WDR64: variants seen among roughly 807,000 people sequenced by gnomAD.
The protein encoded by WDR64 is WD repeat domain 64, also known as WD repeat-containing protein 64.
WDR64 carries 112 observed loss-of-function variants against 139.3 expected under a neutral mutation model. The ratio of observed to expected loss-of-function variants is 0.80; its 90% CI spans 0.69 to 0.94. The LOEUF is 0.94. Ranked by LOEUF, WDR64 falls within the 40% of genes least tolerant of loss-of-function variation. WDR64 has a pLI of 0.00. For synonymous variants in WDR64, 444 were observed against 437.7 expected (o/e 1.01, Z -0.18); for missense variants, 1,206 against 1,293.1 (o/e 0.93, Z 1.03).
chr1:241,790,914 T>C (rs1659196578), intron 25 of WDR64, among the ~76,000 whole-genome samples: 1 of 152,152 alleles, frequency 6.6e-6, no homozygotes, highest in Non-Finnish European at 1.5e-5. Context: ...AGGTGTCACC[T>C]GAGCTGAGTT....
chr1:241,690,289 G>A (rs1427598506), intron 8 of WDR64, among the ~76,000 whole-genome samples: 1 of 152,034 alleles, frequency 6.6e-6, no homozygotes, highest in African/African-American at 2.4e-5. Context: ...TGACCAACAT[G>A]GTAAAACCCC....
intron 8 of WDR64, among the ~76,000 whole-genome samples, chr1:241,702,773 G>A (rs897822265): frequency 4.6e-5 from 7 of 152,154 alleles, no homozygotes; most frequent in Non-Finnish European, 1.0e-4. Flanking sequence ...AAATTGATAT[G>A]AAATTTAAAT....
intron 4 of WDR64, chr1:241,677,500 T>C (rs1666601735): frequency 7.5e-6 from 3 of 398,498 alleles, no homozygotes; most frequent in Non-Finnish European, 1.3e-5. Flanking sequence ...CTCAAGGCCA[T>C]CTGAGCATGT....
Position 241,660,524 on chromosome 1 carries a change from A to C in WDR64, c.146-6A>C. Reference sequence around the variant, plus strand: ...ATGAAAATGGACTGTACTTTTTTCAATGCAGATGCAATTGGTTATGACAAG... The same window carrying C: ...ATGAAAATGGACTGTACTTTTTTCACTGCAGATGCAATTGGTTATGACAAG... On this transcript the variant is annotated splice_polypyrimidine_tract_variant and splice_region_variant and intron_variant, in intron 1 of 27. Coordinates refer to ENST00000437684, the MANE Select transcript of WDR64 (RefSeq NM_001367482.1). 6.4e-7 allele frequency: 1 copy of C among 1,550,474 alleles called. No homozygotes were observed. The highest frequency in any genetic ancestry group is 1.2e-5 in the South Asian group (1 of 83,842).
At chr1:241,746,904 T>C (rs557086407) in intron 13 of WDR64, among the ~76,000 whole-genome samples, 1 of 152,030 alleles carries the variant, frequency 6.6e-6, no homozygotes, top group Non-Finnish European at 1.5e-5. Flanking sequence ...GGACTACAGA[T>C]GCCTGCCACC....
At chr1:241,675,037 T>TC (rs1666442377) in intron 4 of WDR64, among the ~76,000 whole-genome samples, 1 of 21,214 alleles carries the variant, frequency 4.7e-5, no homozygotes, top group Non-Finnish European at 1.2e-4. Flanking sequence ...CCCTCCCTCC[T>TC]TCTTCTTTCC....
intron 4 of WDR64, among the ~76,000 whole-genome samples, 177 bp from the exon 5 acceptor site, chr1:241,678,008 CAG>C (rs1418862009): frequency 6.6e-6 from 1 of 152,196 alleles, no homozygotes; most frequent in East Asian, 1.9e-4. Flanking sequence ...TCACAGCAAA[CAG>C]TGTGCATTAT....
At chr1:241,711,592 T>C (rs564050243) in intron 8 of WDR64, among the ~76,000 whole-genome samples, 8 of 152,220 alleles carry the variant, frequency 5.3e-5, no homozygotes, top group African/African-American at 1.9e-4. Context: ...ACAGGAACAA[T>C]ACAAAGTACT....
At chr1:241,691,169 C>T (rs1667262491) in intron 8 of WDR64, among the ~76,000 whole-genome samples, 1 of 151,632 alleles carries the variant, frequency 6.6e-6, no homozygotes, top group South Asian at 2.1e-4. Flanking sequence ...AACTTATATT[C>T]TAAGAAAATA....
At chr1:241,791,681 A>G (rs904484734) in intron 25 of WDR64, among the ~76,000 whole-genome samples, 3 of 152,148 alleles carry the variant, frequency 2.0e-5, no homozygotes, top group African/African-American at 7.2e-5. Context: ...GGGGGAAAAA[A>G]AAAAAGAAAA....
intron 10 of WDR64, among the ~76,000 whole-genome samples, chr1:241,724,885 C>T (rs1668741212): frequency 6.6e-6 from 1 of 151,998 alleles, no homozygotes; most frequent in Admixed American, 6.6e-5. Context: ...AGTAATTCTC[C>T]CCATTTTACA....
chr1:241,766,464 A>T, intron 16 of WDR64, 113 bp downstream of exon 16: 1 of 1,217,076 alleles, frequency 8.2e-7, no homozygotes, highest in South Asian at 1.7e-5. Context: ...TAAACCCAGA[A>T]CTTTGGGAGG....
At position 241,683,864 on chromosome 1, in the gene WDR64, T is replaced by TACACACACACACACACAC. The variant is rs11473073; in HGVS notation, c.839+179_839+196dup. Among the ~76,000 whole-genome samples the TACACACACACACACACAC allele has an allele frequency of 9.6e-5, 14 of 145,562 alleles. No individual in the cohort carries two copies. In the East Asian group the frequency reaches 1.6e-3, roughly 17 times the overall value. On this transcript the variant is annotated intron_variant, in intron 7 of 27. Transcript: ENST00000437684. ...ATTAATTATAGTCATTGTTCATGTA[T>TACACACACACACACACAC]ACACACACACACACACACACACACA...
chr1:241,674,992 T>TCCTTCCTGC (rs1666433903), intron 4 of WDR64, among the ~76,000 whole-genome samples: 1 of 41,694 alleles, frequency 2.4e-5, no homozygotes, highest in Non-Finnish European at 6.4e-5. Flanking sequence ...TTCCTCCCTT[T>TCCTTCCTGC]CTCCCTCCCT....
rs942323925 is a variant in WDR64 at position 241,801,587 on chromosome 1, T to C, written c.*372T>C. On this transcript the variant is annotated 3_prime_UTR_variant, in exon 28 of 28. Coordinates refer to ENST00000437684, the MANE Select transcript of WDR64 (RefSeq NM_001367482.1). ...AGAATGACTGTCAGAACATGTGCAG[T>C]AAAAGGCACTTTCAAGTCATGCTAT... 1.5e-5 allele frequency: 6 copies of C among 402,060 alleles called. No homozygotes were observed. The highest frequency in any genetic ancestry group is 2.6e-5 in the Non-Finnish European group (6 of 228,094). The allele number at this position is 402,060 out of a possible 1,614,324, so 24.9% of individuals were successfully genotyped here.
intron 21 of WDR64, among the ~76,000 whole-genome samples, chr1:241,775,586 AT>A (rs1215583318): frequency 1.3e-5 from 2 of 151,812 alleles, no homozygotes; most frequent in African/African-American, 4.8e-5. Context: ...GAGAAAAAAA[AT>A]GAATGATTTT....
chr1:241,689,633 C>T (rs996386473), intron 8 of WDR64, among the ~76,000 whole-genome samples: 2 of 152,122 alleles, frequency 1.3e-5, no homozygotes, highest in Non-Finnish European at 2.9e-5. Flanking sequence ...GCATCAGAAT[C>T]AGATGCAGAC....
At chr1:241,744,842 C>T (rs903770657) in intron 13 of WDR64, among the ~76,000 whole-genome samples, 2 of 152,204 alleles carry the variant, frequency 1.3e-5, no homozygotes, top group Non-Finnish European at 2.9e-5. Flanking sequence ...GTACCATCAG[C>T]CAAGAGACAG....
At chr1:241,736,415 TAAAAAA>T (rs59588872) in intron 10 of WDR64, among the ~76,000 whole-genome samples, 2 of 134,656 alleles carry the variant, frequency 1.5e-5, no homozygotes, top group Non-Finnish European at 3.1e-5. Flanking sequence ...TGGAAGAGTT[TAAAAAA>T]AAAAAAAAAA....
Sources: allele counts gnomAD v4.1 joint callset (sites outside exome capture counted in the v4.1 genomes callset), GRCh38; gene constraint gnomAD v4.1.1; transcripts MANE v1.5; gene names NCBI Gene and HGNC (gene_info 2026-07-23, HGNC 2026-07-21).